Variants in LRP2 observed in about 807,000 individuals in gnomAD.
The protein encoded by LRP2 is LDL receptor related protein 2.
LRP2 carries 172 observed loss-of-function variants against 531.0 expected under a neutral mutation model. The observed-to-expected ratio is 0.32, with a 90% CI of 0.29 to 0.37. LRP2 has a LOEUF of 0.37. Ranked by LOEUF, LRP2 falls within the 10% of genes least tolerant of loss-of-function variation. The pLI, the probability that LRP2 is intolerant of heterozygous loss-of-function variation, is 1.00. For missense variants in LRP2, 5,167 were observed against 5,868.3 expected (o/e 0.88, Z 3.90); for synonymous variants, 1,992 against 2,027.6 (o/e 0.98, Z 0.47).
At chr2:169,142,297 AC>A (rs974514400) in intron 71 of LRP2, among the ~76,000 whole-genome samples, 1 of 152,212 alleles carries the variant, frequency 6.6e-6, no homozygotes, top group African/African-American at 2.4e-5. Context: ...TCAAAACTGG[AC>A]ATGGTTCTCT....
Position 169,176,348 on chromosome 2 carries a change from T to G in LRP2, c.10571+63A>C, listed in dbSNP as rs1224653868. The G allele has an allele frequency of 3.8e-6, 6 of 1,599,756 alleles. No individual in the cohort carries two copies. The Admixed American group carries it at 8.4e-5, about 22-fold the overall frequency. ...TAGAAAACTCCCATCCCTTGGAGCC[T>G]TGAAGGTCAATGTCTGTCCACGGGC... On this transcript the variant is annotated intron_variant, in intron 54 of 78. Transcript: ENST00000649046.
At chr2:169,131,695 C>T (rs1390038107) in intron 77 of LRP2, among the ~76,000 whole-genome samples, 3 of 152,046 alleles carry the variant, frequency 2.0e-5, no homozygotes, top group Non-Finnish European at 4.4e-5. Context: ...GGACAGGGAC[C>T]AGAAATACTG....
intron 44 of LRP2, among the ~76,000 whole-genome samples, chr2:169,200,466 T>C (rs1300960341): frequency 2.6e-5 from 4 of 151,972 alleles, no homozygotes; most frequent in Non-Finnish European, 4.4e-5. Context: ...AGAAGATGGA[T>C]TGGGGTCATG....
intron 7 of LRP2, 102 bp downstream of exon 7, chr2:169,292,151 T>G (rs1684014172): frequency 4.3e-6 from 4 of 934,050 alleles, no homozygotes; most frequent in Non-Finnish European, 7.0e-6. Context: ...ATCCTGAGGC[T>G]TGCTTGTCAC....
intron 10 of LRP2, among the ~76,000 whole-genome samples, chr2:169,281,316 G>C (rs964166751): frequency 2.0e-5 from 3 of 152,242 alleles, no homozygotes; most frequent in African/African-American, 7.2e-5. Context: ...CAGCTACTCA[G>C]GAGGCTGAGG....
chr2:169,130,382 G>A (rs987962679), intron 77 of LRP2, among the ~76,000 whole-genome samples: 9 of 151,672 alleles, frequency 5.9e-5, no homozygotes, highest in African/African-American at 1.9e-4. Flanking sequence ...CTGCCTCCCG[G>A]GTTCAAGCAA....
chr2:169,315,959 CAAAAA>C (rs536458606), intron 3 of LRP2, among the ~76,000 whole-genome samples: 4 of 73,746 alleles, frequency 5.4e-5, no homozygotes, highest in Admixed American at 1.8e-4. Flanking sequence ...CCCATCTCTA[CAAAAA>C]AAAAAAAAAA....
At chr2:169,151,627 C>T (rs1686134273) in intron 67 of LRP2, among the ~76,000 whole-genome samples, 1 of 152,116 alleles carries the variant, frequency 6.6e-6, no homozygotes, top group African/African-American at 2.4e-5. Context: ...GCCTTATTTC[C>T]ACTTCTGAGG....
chr2:169,207,843 A>G (rs1163660553), intron 38 of LRP2, among the ~76,000 whole-genome samples: 1 of 152,202 alleles, frequency 6.6e-6, no homozygotes, highest in Non-Finnish European at 1.5e-5. Context: ...TAAAAAGATA[A>G]CTTTATGAAG....
chr2:169,333,348 A>G (rs1234786260), intron 1 of LRP2, among the ~76,000 whole-genome samples: 2 of 152,112 alleles, frequency 1.3e-5, no homozygotes, highest in African/African-American at 4.8e-5. Context: ...AGGGCCTGTT[A>G]CAGGACCTCC....
rs1239908673 is a variant in LRP2 at position 169,328,237 on chromosome 2, T to G, written c.80-7353A>C. Among the ~76,000 whole-genome samples, 21 of 72,784 alleles carry G rather than the reference T, an allele frequency of 2.9e-4. 1 individual carries two copies. The highest frequency in any genetic ancestry group is 4.5e-4 in the Non-Finnish European group (16 of 35,190). The allele number at this position is 72,784 out of a possible 152,430, so 47.7% of individuals were successfully genotyped here. ...CCAGCCGCCCCGTCCGGGAGGGAGG[T>G]GGGGGGGTCAGCGCCCCGCCCGGCC... On this transcript the variant is annotated intron_variant, in intron 1 of 78. Coordinates refer to ENST00000649046, the MANE Select transcript of LRP2 (RefSeq NM_004525.3).
chr2:169,308,339 C>T (rs771074253), intron 3 of LRP2, among the ~76,000 whole-genome samples: 7 of 151,956 alleles, frequency 4.6e-5, no homozygotes, highest in Non-Finnish European at 7.4e-5. Context: ...TAGTCATTTA[C>T]GTTAGGTGTA....
chr2:169,279,541 C>T lies in LRP2; in HGVS notation c.1396G>A (p.Val466Ile), dbSNP rs1415675525. ...LNIQEVLNVSVETPENLAVDW... is the reference protein window; with the variant it reads ...LNIQEVLNVSIETPENLAVDW... The stretch of plus-strand genomic sequence containing the variant: ...ACAGCCAGGTTCTCTGGGGTTTCAA[C>T]AGAAACATTGAGAACCTCTTGGATA... The change falls in exon 12 of 79, where the codon GTT becomes ATT. Residue 466 changes from valine to isoleucine, a missense_variant. By Grantham distance (29) the Val-to-Ile change is conservative (BLOSUM62 3). Around this residue, in one of 6 missense-constraint regions of LRP2, gnomAD observed 2,811 missense variants for 3,058.0 expected, o/e 0.92. Transcript: ENST00000649046. 1.2e-6 allele frequency: 2 copies of T among 1,613,970 alleles called. No individual in the cohort carries two copies. Among genetic ancestry groups the T allele is most frequent in the Middle Eastern group, 1.6e-4 (1 of 6,062 alleles).
At chr2:169,260,964 A>G (rs1462710645) in intron 16 of LRP2, among the ~76,000 whole-genome samples, 1 of 152,102 alleles carries the variant, frequency 6.6e-6, no homozygotes, top group African/African-American at 2.4e-5. Context: ...AGTACCAAAT[A>G]CAGGACTGAT....
chr2:169,142,760 A>T lies in LRP2; in HGVS notation c.13022T>A (p.Leu4341His). 6.2e-7 allele frequency: 1 copy of T among 1,614,082 alleles called. No individual in the cohort carries two copies. ...PNLCKQICSH[L>H]CLLRPGGYSC... ...GTATCCTCCAGGTCTCAGAAGGCAG[A>T]GGTGGCTGCAGATCTGTTTGCAAAG... Residue 4341 changes from leucine to histidine, a missense_variant, in exon 71 of 79, where the codon CTC (leucine) becomes CAC (histidine). Leu to His is a moderately conservative substitution (Grantham distance 99). Around this residue, in one of 6 missense-constraint regions of LRP2, gnomAD observed 4 missense variants for 21.2 expected, o/e 0.19. Coordinates refer to ENST00000649046, the MANE Select transcript of LRP2 (RefSeq NM_004525.3).
chr2:169,354,217 A>G (rs1416159926), intron 1 of LRP2, among the ~76,000 whole-genome samples: 3 of 152,228 alleles, frequency 2.0e-5, no homozygotes, highest in Admixed American at 1.3e-4. Flanking sequence ...GGTTTCCTCA[A>G]CACCTTCAAA....
At chr2:169,133,217 T>A (rs1282134570) in intron 76 of LRP2, among the ~76,000 whole-genome samples, 3 of 152,248 alleles carry the variant, frequency 2.0e-5, no homozygotes, top group Non-Finnish European at 4.4e-5. Flanking sequence ...ATAGAATTAA[T>A]AATCTTCTAC....
At position 169,273,180 on chromosome 2, in the gene LRP2, C is replaced by G. The variant is rs953599472; in HGVS notation, c.1976-113G>C. 9 of 1,234,146 alleles carry G rather than the reference C, an allele frequency of 7.3e-6. No individual in the cohort carries two copies. The African/African-American group carries it at 1.3e-4, about 18-fold the overall frequency. 76.4% of individuals were successfully genotyped at this position (1,234,146 alleles called of 1,614,324 possible). On this transcript the variant is annotated intron_variant, in intron 14 of 78. Transcript: ENST00000649046. ...TAGGTGAAATAGAGTAATGGATTAG[C>G]AACGTGTTGAAAACATTACTACTGG...
chr2:169,204,360 G>A, intron 41 of LRP2, 89 bp from the exon 42 acceptor site: 1 of 1,223,082 alleles, frequency 8.2e-7, no homozygotes, highest in South Asian at 1.2e-5. Context: ...CCTCATCATT[G>A]TTTACACAAG....
Sources: gnomAD v4.1 joint callset for allele counts (sites outside exome capture counted in the v4.1 genomes callset) on GRCh38, gnomAD v4.1.1 for gene constraint, gnomAD v4.1.1 regional missense constraint, MANE v1.5 for transcripts, NCBI Gene and HGNC (gene_info 2026-07-23, HGNC 2026-07-21) for gene names.